Variants in SLC9B1 observed in about 807,000 individuals in gnomAD.
SLC9B1 encodes sodium/hydrogen exchanger 9B1.
SLC9B1 carries 32 observed loss-of-function variants against 51.7 expected under a neutral mutation model. The observed-to-expected ratio is 0.62, with a 90% confidence interval of 0.47 to 0.83. SLC9B1 has a LOEUF of 0.83. Among genes scored for constraint, SLC9B1 ranks in the 40% least tolerant of loss-of-function variants. The probability of loss-of-function intolerance (pLI) is 0.00; values close to 1 mark genes in which losing one functional copy is unlikely to be tolerated. For synonymous variants in SLC9B1, 145 were observed against 212.7 expected (o/e 0.68, Z 2.77); for missense variants, 406 against 613.2 (o/e 0.66, Z 3.57).
At chr4:102,943,045 G>A (rs1261816574) in intron 6 of SLC9B1, among the ~76,000 whole-genome samples, 1 of 151,086 alleles carries the variant, frequency 6.6e-6, no homozygotes, top group Non-Finnish European at 1.5e-5. Flanking sequence ...CCCAAAAGAA[G>A]ATATATAAAT....
chr4:102,991,717 G>C lies in SLC9B1; in HGVS notation c.-1-5C>G. The C allele has an allele frequency of 6.4e-7, 1 of 1,553,588 alleles. No individual in the cohort carries two copies. The highest frequency in any genetic ancestry group is 8.7e-7 in the Non-Finnish European group (1 of 1,146,430). On this transcript the variant is annotated splice_region_variant and splice_polypyrimidine_tract_variant and intron_variant, in intron 1 of 11. Transcript: ENST00000296422. Reference sequence around the variant, plus strand: ...TTTGATTCTGTGGTATGCATGCTAAGATTTAAAAGAAAAATACTTTAAAAG... The same window carrying C: ...TTTGATTCTGTGGTATGCATGCTAACATTTAAAAGAAAAATACTTTAAAAG...
intron 3 of SLC9B1, among the ~76,000 whole-genome samples, chr4:102,951,637 G>A (rs1313146905): frequency 6.6e-6 from 1 of 150,684 alleles, no homozygotes; most frequent in Non-Finnish European, 1.5e-5. Context: ...CATGGCTGAA[G>A]AGAGAACACA....
intron 11 of SLC9B1, among the ~76,000 whole-genome samples, chr4:102,887,068 G>A (rs541728309): frequency 2.0e-5 from 3 of 152,122 alleles, no homozygotes; most frequent in Admixed American, 6.5e-5. Flanking sequence ...GAACTTATTC[G>A]ATTCCCTTTT....
intron 1 of SLC9B1, among the ~76,000 whole-genome samples, chr4:103,008,662 C>A (rs1458137065): frequency 6.6e-6 from 1 of 151,422 alleles, no homozygotes; most frequent in Non-Finnish European, 1.5e-5. Flanking sequence ...GGATTACAGG[C>A]ATGAGACATC....
intron 3 of SLC9B1, among the ~76,000 whole-genome samples, chr4:102,966,712 GT>G (rs1234811341): frequency 2.0e-5 from 3 of 152,154 alleles, no homozygotes; most frequent in African/African-American, 7.2e-5. Context: ...TTAAAAAATT[GT>G]CTCAATAATT....
At chr4:102,924,815 C>T (rs1001070207) in intron 7 of SLC9B1, among the ~76,000 whole-genome samples, 1 of 152,206 alleles carries the variant, frequency 6.6e-6, no homozygotes, top group African/African-American at 2.4e-5. Flanking sequence ...TGCTCATCAT[C>T]ACTGGCCATC....
At chr4:102,992,488 AT>A (rs891699522) in intron 1 of SLC9B1, among the ~76,000 whole-genome samples, 52 of 152,206 alleles carry the variant, frequency 3.4e-4, no homozygotes, top group African/African-American at 1.3e-3. Flanking sequence ...AAGGAAAACA[AT>A]TTTAATAATG....
chr4:102,890,200 T>TA, intron 11 of SLC9B1: 1 of 152,324 alleles, frequency 6.6e-6, no homozygotes, highest in South Asian at 2.1e-4. Flanking sequence ...CAATGCCAAA[T>TA]ACGATGATTC....
intron 7 of SLC9B1, among the ~76,000 whole-genome samples, chr4:102,913,705 A>G (rs1301184654): frequency 3.3e-5 from 5 of 151,838 alleles, no homozygotes; most frequent in Non-Finnish European, 5.9e-5. Flanking sequence ...AACTCTCTTA[A>G]TGAAGCCCAG....
At chr4:102,969,170 T>C (rs1323111586) in intron 3 of SLC9B1, among the ~76,000 whole-genome samples, 1 of 152,234 alleles carries the variant, frequency 6.6e-6, no homozygotes, top group African/African-American at 2.4e-5. Context: ...CTGACAGCTC[T>C]GAAGAGAGCA....
At chr4:102,996,637 C>A (rs953217883) in intron 1 of SLC9B1, among the ~76,000 whole-genome samples, 2 of 152,150 alleles carry the variant, frequency 1.3e-5, no homozygotes, top group African/African-American at 4.8e-5. Context: ...TGACTCAGCA[C>A]AATTTATTAA....
intron 3 of SLC9B1, among the ~76,000 whole-genome samples, chr4:102,951,834 G>A (rs1578374780): frequency 6.6e-6 from 1 of 151,244 alleles, no homozygotes; most frequent in South Asian, 2.1e-4. Flanking sequence ...AAACTTTACA[G>A]AATTGATTAG....
chr4:102,997,085 G>A (rs540925186), intron 1 of SLC9B1, among the ~76,000 whole-genome samples: 2 of 152,094 alleles, frequency 1.3e-5, no homozygotes, highest in South Asian at 4.2e-4. Flanking sequence ...CATTGTGTCT[G>A]GCCAGTATAA....
intron 7 of SLC9B1, among the ~76,000 whole-genome samples, chr4:102,922,373 G>A (rs555548460): frequency 6.6e-6 from 1 of 152,150 alleles, no homozygotes; most frequent in South Asian, 2.1e-4. Context: ...GAGAACAAAG[G>A]CACAATGTAC....
chr4:102,982,042 T>A (rs1480859282), intron 3 of SLC9B1, among the ~76,000 whole-genome samples: 2 of 152,160 alleles, frequency 1.3e-5, no homozygotes, highest in Admixed American at 1.3e-4. Context: ...TACATTCAAG[T>A]CTATGATATG....
intron 3 of SLC9B1, among the ~76,000 whole-genome samples, chr4:102,982,119 G>A (rs982416705): frequency 1.3e-5 from 2 of 150,900 alleles, no homozygotes; most frequent in African/African-American, 4.9e-5. Context: ...TTGCATCCAT[G>A]TGGAGGTCCA....
chr4:102,977,297 T>TAAA (rs3974480), intron 3 of SLC9B1, among the ~76,000 whole-genome samples: 12 of 129,322 alleles, frequency 9.3e-5, no homozygotes, highest in Admixed American at 5.5e-4. Flanking sequence ...TATTATAACT[T>TAAA]AAAAAAAAAA....
chr4:102,963,668 A>G (rs1305694250), intron 3 of SLC9B1, among the ~76,000 whole-genome samples: 1 of 152,222 alleles, frequency 6.6e-6, no homozygotes, highest in African/African-American at 2.4e-5. Context: ...AAAAATTTCA[A>G]AAATGGCCCA....
chr4:102,934,442 G>A (rs1397582573), intron 6 of SLC9B1, among the ~76,000 whole-genome samples: 1 of 152,128 alleles, frequency 6.6e-6, no homozygotes, highest in Non-Finnish European at 1.5e-5. Context: ...TATGTGGAAA[G>A]GAATATAGAT....
Sources: gnomAD v4.1 joint callset for allele counts (sites outside exome capture counted in the v4.1 genomes callset) on GRCh38, gnomAD v4.1.1 for gene constraint, MANE v1.5 for transcripts, NCBI Gene and HGNC (gene_info 2026-07-23, HGNC 2026-07-21) for gene names.